AKAP19: variants seen among roughly 807,000 people sequenced by gnomAD.
AKAP19 encodes A-kinase anchoring protein 19.
At chr2:190,080,035 T>G in the AKAP19 span, 2 of 152,194 alleles carry the variant, frequency 1.3e-5, no homozygotes, top group African/African-American at 4.8e-5. Context: ...TAGGTGCTAG[T>G]GGCAACATAT....
At chr2:190,144,193 A>AT in the AKAP19 span, among the ~76,000 whole-genome samples, 6 of 150,552 alleles carry the variant, frequency 4.0e-5, no homozygotes, top group East Asian at 9.7e-4. Flanking sequence ...AAAGAAAAAA[A>AT]ATATTAATAA....
the AKAP19 span, among the ~76,000 whole-genome samples, chr2:190,106,006 A>G: frequency 5.3e-5 from 8 of 152,260 alleles, no homozygotes; most frequent in Admixed American, 5.2e-4. Flanking sequence ...CACTAATGCA[A>G]GAAGCATAAG....
the AKAP19 span, among the ~76,000 whole-genome samples, chr2:190,075,759 T>A: frequency 6.6e-6 from 1 of 152,278 alleles, no homozygotes; most frequent in African/African-American, 2.4e-5. Context: ...AGACCACATG[T>A]AGTTGGGTCT....
At chr2:190,145,673 C>G in the AKAP19 span, among the ~76,000 whole-genome samples, 3 of 152,056 alleles carry the variant, frequency 2.0e-5, no homozygotes, top group Non-Finnish European at 4.4e-5. Context: ...TAGGCTATAT[C>G]TTACTGCCTG....
At chr2:190,157,197 G>A in the AKAP19 span, among the ~76,000 whole-genome samples, 638 of 152,156 alleles carry the variant, frequency 4.2e-3, 3 homozygotes, top group Middle Eastern at 0.02. Context: ...TTTTAAAAAC[G>A]TACCCAAGGC....
the AKAP19 span, among the ~76,000 whole-genome samples, chr2:190,008,249 C>T: frequency 0.034 from 5,234 of 152,172 alleles, 285 homozygotes; most frequent in African/African-American, 0.12. Flanking sequence ...TATGTAAATC[C>T]TGTTTTATTA....
At chr2:189,907,599 A>ATAAT in the AKAP19 span, among the ~76,000 whole-genome samples, 1 of 152,162 alleles carries the variant, frequency 6.6e-6, no homozygotes, top group Non-Finnish European at 1.5e-5. Flanking sequence ...CTTCATGATG[A>ATAAT]TAATTTTTTT....
the AKAP19 span, among the ~76,000 whole-genome samples, chr2:190,018,536 CAT>C: frequency 1.3e-5 from 2 of 151,986 alleles, no homozygotes; most frequent in African/African-American, 2.4e-5. Flanking sequence ...ATTGATTTCA[CAT>C]GTTTTCTATT....
chr2:189,963,353 CCT>C, the AKAP19 span, among the ~76,000 whole-genome samples: 30,882 of 151,734 alleles, frequency 0.2, 3,355 homozygotes, highest in African/African-American at 0.29. Flanking sequence ...CACCACCACA[CCT>C]GGCTAATTTT....
At chr2:190,007,690 G>T in the AKAP19 span, among the ~76,000 whole-genome samples, 23,243 of 152,234 alleles carry the variant, frequency 0.15, 1,848 homozygotes, top group Middle Eastern at 0.26. Context: ...GCCAGGCGCG[G>T]TGGCTTACGC....
the AKAP19 span, among the ~76,000 whole-genome samples, chr2:189,898,517 T>G: frequency 6.6e-6 from 1 of 152,224 alleles, no homozygotes; most frequent in African/African-American, 2.4e-5. Context: ...TTTCCCAGTG[T>G]GCCCACATGC....
At chr2:189,980,659 C>A in the AKAP19 span, among the ~76,000 whole-genome samples, 1 of 152,152 alleles carries the variant, frequency 6.6e-6, no homozygotes, top group African/African-American at 2.4e-5. Context: ...TAAGTGAGAG[C>A]TAAACAATGT....
the AKAP19 span, among the ~76,000 whole-genome samples, chr2:190,038,922 C>CTTTCTTTCT: frequency 2.3e-5 from 3 of 131,414 alleles, no homozygotes; most frequent in African/African-American, 1.0e-4. Context: ...TCTTCTTCTT[C>CTTTCTTTCT]TTCTTCTTCT....
At chr2:189,886,555 T>A in the AKAP19 span, among the ~76,000 whole-genome samples, 3 of 152,152 alleles carry the variant, frequency 2.0e-5, no homozygotes, top group Non-Finnish European at 4.4e-5. Flanking sequence ...GTGAGAAAAG[T>A]CCACAAATAA....
chr2:190,074,027 G>C, the AKAP19 span, among the ~76,000 whole-genome samples: 1 of 148,672 alleles, frequency 6.7e-6, no homozygotes, highest in East Asian at 2.0e-4. Flanking sequence ...GGATGACAGA[G>C]TGAGATTCCG....
chr2:190,061,341 T>C, the AKAP19 span, among the ~76,000 whole-genome samples: 21 of 152,066 alleles, frequency 1.4e-4, no homozygotes, highest in Non-Finnish European at 2.6e-4. Flanking sequence ...TTCTCTTTCC[T>C]GGAGAAAGTA....
chr2:190,187,326 A>G, the AKAP19 span, among the ~76,000 whole-genome samples: 1 of 152,044 alleles, frequency 6.6e-6, no homozygotes. Flanking sequence ...GGTAAAATAA[A>G]CCATCCCTGT....
At chr2:190,039,798 C>T in the AKAP19 span, among the ~76,000 whole-genome samples, 1 of 152,024 alleles carries the variant, frequency 6.6e-6, no homozygotes, top group Non-Finnish European at 1.5e-5. Context: ...CTGTGTTAGT[C>T]TACTAAGGAT....
At chr2:190,145,871 C>CTA in the AKAP19 span, among the ~76,000 whole-genome samples, 183 of 79,014 alleles carry the variant, frequency 2.3e-3, no homozygotes, top group African/African-American at 8.0e-3. Flanking sequence ...ATATATATAA[C>CTA]TATATATATA....
Sources: gnomAD v4.1 joint callset for allele counts (sites outside exome capture counted in the v4.1 genomes callset) on GRCh38, gnomAD v4.1.1 for gene constraint, MANE v1.5 for transcripts, NCBI Gene and HGNC (gene_info 2026-07-23, HGNC 2026-07-21) for gene names.